FSHR: variants seen among roughly 807,000 people sequenced by gnomAD.
The protein encoded by FSHR is follicle-stimulating hormone receptor.
Under a neutral mutation model 52.1 loss-of-function variants are expected in FSHR, and 46 were observed. The observed-to-expected ratio is 0.88, with a 90% CI of 0.70 to 1.13. The LOEUF (loss-of-function observed/expected upper bound fraction) is 1.13, where lower values mean the gene tolerates loss of function less well. FSHR is among the 50% of genes most tolerant of loss of function. The probability of loss-of-function intolerance (pLI) is 0.00; values close to 1 mark genes in which losing one functional copy is unlikely to be tolerated. For synonymous variants in FSHR, 399 were observed against 309.6 expected (o/e 1.29, Z -3.03); for missense variants, 964 against 834.6 (o/e 1.16, Z -1.91).
At chr2:48,970,654 A>G (rs1010975856) in intron 8 of FSHR, among the ~76,000 whole-genome samples, 1 of 152,102 alleles carries the variant, frequency 6.6e-6, no homozygotes, top group African/African-American at 2.4e-5. Flanking sequence ...GGCTTCCAAA[A>G]TGTGTGTCCC....
chr2:49,070,354 T>C (rs1428467457), intron 1 of FSHR, among the ~76,000 whole-genome samples: 1 of 152,154 alleles, frequency 6.6e-6, no homozygotes, highest in Admixed American at 6.6e-5. Context: ...ATTATCTACT[T>C]CTAGAATATC....
At chr2:49,111,855 A>G (rs1671435593) in intron 1 of FSHR, among the ~76,000 whole-genome samples, 1 of 151,970 alleles carries the variant, frequency 6.6e-6, no homozygotes, top group Non-Finnish European at 1.5e-5. Context: ...ATTATTTCTT[A>G]CTCTCAAACA....
At chr2:49,028,017 G>A (rs1395202875) in intron 2 of FSHR, among the ~76,000 whole-genome samples, 2 of 152,106 alleles carry the variant, frequency 1.3e-5, no homozygotes, top group Non-Finnish European at 2.9e-5. Context: ...GTAAGGGAGT[G>A]GATATGCTGT....
chr2:49,136,397 C>G (rs1196187677), intron 1 of FSHR, among the ~76,000 whole-genome samples: 2 of 151,946 alleles, frequency 1.3e-5, no homozygotes, highest in Non-Finnish European at 2.9e-5. Flanking sequence ...AAAGAAAATG[C>G]CAGACCCAGA....
At chr2:48,966,576 G>A (rs1448133966) in intron 9 of FSHR, among the ~76,000 whole-genome samples, 8 of 152,174 alleles carry the variant, frequency 5.3e-5, no homozygotes, top group Non-Finnish European at 1.2e-4. Context: ...ATTTCCAAAT[G>A]AGGATCAAAA....
intron 1 of FSHR, among the ~76,000 whole-genome samples, chr2:49,148,133 T>C (rs2103855065): frequency 6.6e-6 from 1 of 152,158 alleles, no homozygotes; most frequent in South Asian, 2.1e-4. Context: ...CAAAATCACT[T>C]TCCTCTTTTC....
chr2:49,017,601 G>A, intron 3 of FSHR, 38 bp from the exon 4 acceptor site: 1 of 1,433,328 alleles, frequency 7.0e-7, no homozygotes, highest in Non-Finnish European at 9.8e-7. Context: ...GATCTTGATG[G>A]TAAGGAATGC....
In FSHR at chr2:48,996,766, A is replaced by G. The variant is rs1211442357; in HGVS notation, c.375-6129T>C. Among the ~76,000 whole-genome samples, 3 of 152,130 alleles carry G rather than the reference A, an allele frequency of 2.0e-5. No individual in the cohort carries two copies. The East Asian group carries it at 5.8e-4, about 29-fold the overall frequency. ...GACACTCAAATTTTTGTCTTTCTGC[A>G]AAAGCACATGTCTAGGAATAATGCA... is the stretch of plus-strand genomic sequence containing the variant. On this transcript the variant is annotated intron_variant, in intron 4 of 9. Coordinates refer to ENST00000406846, the MANE Select transcript of FSHR (RefSeq NM_000145.4).
Position 48,963,943 on chromosome 2 carries a change from T to C in FSHR, c.878A>G (p.Asn293Ser), listed in dbSNP as rs200999414. 1 of 1,613,672 alleles carries C rather than the reference T, an allele frequency of 6.2e-7. No homozygotes were observed. Among genetic ancestry groups the C allele is most frequent in the African/African-American group, 1.3e-5 (1 of 75,030 alleles). ...RQISELHPICNKSILRQEVDY... is the reference protein window; with the variant it reads ...RQISELHPICSKSILRQEVDY... Reference sequence around the variant, plus strand: ...AACTTCTTGCCTTAAAATAGATTTGTTGCAAATTGGATGAAGCTCAGAGCT... The same window carrying C: ...AACTTCTTGCCTTAAAATAGATTTGCTGCAAATTGGATGAAGCTCAGAGCT... Residue 293 changes from asparagine (N) to serine (S), a missense_variant, in exon 10 of 10, where the codon AAC becomes AGC. Transcript: ENST00000406846.
chr2:49,056,524 T>G (rs1572688093), intron 2 of FSHR, among the ~76,000 whole-genome samples: 1 of 147,610 alleles, frequency 6.8e-6, no homozygotes, highest in Non-Finnish European at 1.5e-5. Flanking sequence ...AAGCAAATAT[T>G]ATTAGACCTA....
intron 2 of FSHR, among the ~76,000 whole-genome samples, chr2:49,047,490 A>G (rs1668704443): frequency 6.6e-6 from 1 of 152,228 alleles, no homozygotes; most frequent in Non-Finnish European, 1.5e-5. Flanking sequence ...ATTTAAGTGT[A>G]TGTACACACA....
intron 2 of FSHR, among the ~76,000 whole-genome samples, chr2:49,044,040 T>A (rs1227531008): frequency 6.6e-6 from 1 of 152,216 alleles, no homozygotes; most frequent in Non-Finnish European, 1.5e-5. Flanking sequence ...TGGTTTATAC[T>A]CTGTTTTACG....
chr2:49,072,833 A>G (rs1411331068), intron 1 of FSHR, among the ~76,000 whole-genome samples: 2 of 151,916 alleles, frequency 1.3e-5, no homozygotes, highest in Non-Finnish European at 2.9e-5. Context: ...ATTACAGAGA[A>G]CTACACCTGT....
intron 1 of FSHR, among the ~76,000 whole-genome samples, chr2:49,096,676 C>G (rs1205373780): frequency 6.6e-6 from 1 of 152,106 alleles, no homozygotes; most frequent in Non-Finnish European, 1.5e-5. Context: ...TTCTGGCAAC[C>G]ATGGTGATAT....
chr2:49,032,655 G>T (rs1281993000), intron 2 of FSHR, among the ~76,000 whole-genome samples: 1 of 152,150 alleles, frequency 6.6e-6, no homozygotes, highest in African/African-American at 2.4e-5. Context: ...TATTTTGTTT[G>T]CTAGTGAAGA....
At chr2:48,995,096 G>A (rs1314884959) in intron 4 of FSHR, among the ~76,000 whole-genome samples, 1 of 152,146 alleles carries the variant, frequency 6.6e-6, no homozygotes, top group Non-Finnish European at 1.5e-5. Context: ...AGCTTCAGTA[G>A]TGTTGATGGG....
Position 48,990,467 on chromosome 2 carries a change from A to G in FSHR, c.446+99T>C, listed in dbSNP as rs535746659. On this transcript the variant is annotated intron_variant, in intron 5 of 9. Transcript: ENST00000406846. ...TGCTAACCCAGAGCAATACATTTGG[A>G]GGATGTAGACTACACAATGCATATT... is the stretch of plus-strand genomic sequence containing the variant. 3.7e-5 allele frequency: 31 copies of G among 832,366 alleles called. No homozygotes were observed. In the African/African-American group the frequency reaches 4.5e-4, roughly 12 times the overall value. 51.6% of individuals were successfully genotyped at this position (832,366 alleles called of 1,614,324 possible).
chr2:49,045,769 T>C (rs929971140), intron 2 of FSHR, among the ~76,000 whole-genome samples: 11 of 152,152 alleles, frequency 7.2e-5, no homozygotes, highest in South Asian at 2.1e-4. Flanking sequence ...ATCCTTTTTT[T>C]CCCCAGTGCC....
chr2:49,012,911 A>G (rs1005697034), intron 4 of FSHR, among the ~76,000 whole-genome samples: 1 of 152,150 alleles, frequency 6.6e-6, no homozygotes, highest in Non-Finnish European at 1.5e-5. Context: ...CTCAATTGTT[A>G]AAACTCTAAT....
Sources: gnomAD v4.1 joint callset for allele counts (sites outside exome capture counted in the v4.1 genomes callset) on GRCh38, gnomAD v4.1.1 for gene constraint, MANE v1.5 for transcripts, NCBI Gene and HGNC (gene_info 2026-07-23, HGNC 2026-07-21) for gene names.